The following SLC12A7 variants were observed in gnomAD, a reference collection of about 807,000 sequenced individuals.
SLC12A7 encodes the protein solute carrier family 12 member 7, also known as K-Cl cotransporter 4.
SLC12A7 carries 100 observed loss-of-function variants against 120.6 expected under a neutral mutation model. The ratio of observed to expected loss-of-function variants is 0.83; its 90% confidence interval spans 0.71 to 0.98. The LOEUF (loss-of-function observed/expected upper bound fraction) is 0.98. Ranked by LOEUF, SLC12A7 falls within the 50% of genes least tolerant of loss-of-function variation. The pLI is 0.00. For missense variants in SLC12A7, 1,373 were observed against 1,548.1 expected (o/e 0.89, Z 1.90); for synonymous variants, 760 against 678.0 (o/e 1.12, Z -1.88).
At chr5:1,060,843 C>T (rs968503897) in intron 20 of SLC12A7, among the ~76,000 whole-genome samples, 1 of 148,184 alleles carries the variant, frequency 6.7e-6, no homozygotes, top group African/African-American at 2.6e-5. Flanking sequence ...CCATGGGAAA[C>T]CCACCCAGAA....
At chr5:1,057,986 C>A (rs1735803498) in intron 21 of SLC12A7, among the ~76,000 whole-genome samples, 1 of 151,708 alleles carries the variant, frequency 6.6e-6, no homozygotes. Context: ...TCACCCCAGA[C>A]CACCTGCTCG....
the SLC12A7 span, among the ~76,000 whole-genome samples, chr5:1,136,904 C>T: frequency 6.6e-6 from 1 of 151,322 alleles, no homozygotes; most frequent in Non-Finnish European, 1.5e-5. Context: ...CGCAGGCACA[C>T]ATGTGCTCAG....
At chr5:1,121,489 G>T in the SLC12A7 span, among the ~76,000 whole-genome samples, 11 of 152,222 alleles carry the variant, frequency 7.2e-5, no homozygotes, top group Admixed American at 7.2e-4. Context: ...GTGGAATGCT[G>T]CTGAGAGGTC....
At chr5:1,079,575 G>A (rs919770579) in intron 9 of SLC12A7, 79 bp from the exon 10 acceptor site, 16 of 1,229,612 alleles carry the variant, frequency 1.3e-5, no homozygotes, top group Non-Finnish European at 1.6e-5. Flanking sequence ...CAGAAAGCTG[G>A]AAAGGCGGTC....
chr5:1,153,318 A>C, the SLC12A7 span, among the ~76,000 whole-genome samples: 1 of 152,234 alleles, frequency 6.6e-6, no homozygotes, highest in African/African-American at 2.4e-5. Flanking sequence ...CACCTGCTCC[A>C]TCCAGGATTA....
At position 1,051,439 on chromosome 5, in the gene SLC12A7, A is replaced by T. The variant is rs1232498423; in HGVS notation, c.*921T>A. On this transcript the variant is annotated 3_prime_UTR_variant, in exon 24 of 24. Coordinates refer to ENST00000264930, the MANE Select transcript of SLC12A7 (RefSeq NM_006598.3). ...CTGGCTGTCGTGGGCTGTCGGGGGAACTCACTGTTCACTCTGCGCGCGTGT... is the reference window on the plus strand; with the variant it reads ...CTGGCTGTCGTGGGCTGTCGGGGGATCTCACTGTTCACTCTGCGCGCGTGT... 6.5e-6 allele frequency: 1 copy of T among 153,690 alleles called. No individual in the cohort carries two copies. The highest frequency in any genetic ancestry group is 1.9e-4 in the East Asian group (1 of 5,272). The allele number at this position is 153,690 out of a possible 1,614,324, so 9.5% of individuals were successfully genotyped here.
chr5:1,058,161 G>A (rs1735823909), intron 21 of SLC12A7, among the ~76,000 whole-genome samples: 1 of 152,232 alleles, frequency 6.6e-6, no homozygotes, highest in African/African-American at 2.4e-5. Context: ...GCACCGCTGG[G>A]GCCAATGACA....
intron 1 of SLC12A7, 88 bp from the exon 2 acceptor site, chr5:1,094,336 C>G (rs542689120): frequency 1.1e-6 from 1 of 910,962 alleles, no homozygotes; most frequent in Admixed American, 1.7e-5. Context: ...ACGGAGGGCT[C>G]TGGTCCCCAC....
chr5:1,106,141 C>T (rs1384712507), intron 1 of SLC12A7, among the ~76,000 whole-genome samples: 1 of 152,258 alleles, frequency 6.6e-6, no homozygotes, highest in Non-Finnish European at 1.5e-5. Flanking sequence ...AGACCTCGGT[C>T]TAAGGCACAG....
the SLC12A7 span, among the ~76,000 whole-genome samples, chr5:1,138,627 T>C: frequency 6.6e-6 from 1 of 152,344 alleles, no homozygotes; most frequent in Middle Eastern, 3.4e-3. Flanking sequence ...CTGGAGATCT[T>C]TACCCCACAT....
At chr5:1,065,226 TGAGAGGACACA>T in intron 18 of SLC12A7, 46 bp downstream of exon 18, 3 of 1,291,870 alleles carry the variant, frequency 2.3e-6, no homozygotes, top group Non-Finnish European at 3.2e-6. Flanking sequence ...GAGGGGACAC[TGAGAGGACACA>T]GAGGGGACGG....
intron 22 of SLC12A7, among the ~76,000 whole-genome samples, chr5:1,054,214 C>T (rs1165768269): frequency 2.0e-5 from 3 of 152,250 alleles, no homozygotes; most frequent in African/African-American, 7.2e-5. Flanking sequence ...GCCGTCCAGC[C>T]CCCGCCTTCC....
At chr5:1,094,624 G>A (rs932784139) in intron 1 of SLC12A7, among the ~76,000 whole-genome samples, 1 of 152,212 alleles carries the variant, frequency 6.6e-6, no homozygotes, top group Non-Finnish European at 1.5e-5. Context: ...GAGCTGTTCA[G>A]CCCAGGGCAA....
In SLC12A7 at chr5:1,076,406, A is replaced by ATCCTGTGACCACCT. The variant is rs56193034; in HGVS notation, c.1749-171_1749-170insAGGTGGTCACAGGA. On this transcript the variant is annotated intron_variant, in intron 13 of 23. Coordinates refer to ENST00000264930, the MANE Select transcript of SLC12A7 (RefSeq NM_006598.3). ...GACTGATTCCGAATCAGGCCCCCTC[A>ATCCTGTGACCACCT]GGTTCCAGCCATCCTGTGACCACCT... Among the ~76,000 whole-genome samples the ATCCTGTGACCACCT allele has an allele frequency of 0.47, 71,552 of 151,272 alleles. 17,246 individuals carry two copies. The highest frequency in any genetic ancestry group is 0.61 in the East Asian group (3,137 of 5,108).
chr5:1,122,472 A>G, the SLC12A7 span, among the ~76,000 whole-genome samples: 2 of 152,248 alleles, frequency 1.3e-5, no homozygotes, highest in African/African-American at 4.8e-5. Context: ...AAAAAAATCC[A>G]TTTTATTTAA....
chr5:1,088,591 C>A (rs1378478904), intron 4 of SLC12A7, among the ~76,000 whole-genome samples: 1 of 152,178 alleles, frequency 6.6e-6, no homozygotes, highest in Non-Finnish European at 1.5e-5. Flanking sequence ...CTGAAAGTGC[C>A]CAAGGTCCTT....
At chr5:1,085,607 G>A in intron 6 of SLC12A7, 134 bp from the exon 7 acceptor site, 5 of 1,310,132 alleles carry the variant, frequency 3.8e-6, no homozygotes, top group Non-Finnish European at 5.1e-6. Context: ...CATCCGTGCT[G>A]GACGGAGCCC....
At chr5:1,056,005 G>A (rs1024789858) in intron 22 of SLC12A7, among the ~76,000 whole-genome samples, 11 of 152,192 alleles carry the variant, frequency 7.2e-5, no homozygotes, top group Admixed American at 4.6e-4. Flanking sequence ...GGTTACTGGC[G>A]GGGGCAGGCA....
intron 17 of SLC12A7, among the ~76,000 whole-genome samples, chr5:1,065,940 G>C (rs1737005068): frequency 2.0e-5 from 3 of 152,072 alleles, no homozygotes; most frequent in Non-Finnish European, 2.9e-5. Flanking sequence ...CGGGGGTGGG[G>C]GACTGCCGTG....
Sources: allele counts gnomAD v4.1 joint callset (sites outside exome capture counted in the v4.1 genomes callset), GRCh38; gene constraint gnomAD v4.1.1; transcripts MANE v1.5; gene names NCBI Gene and HGNC (gene_info 2026-07-23, HGNC 2026-07-21).